ZNF536: variants seen among roughly 807,000 people sequenced by gnomAD.
ZNF536 encodes zinc finger protein 536.
ZNF536 carries 13 observed loss-of-function variants against 84.5 expected under a neutral mutation model. The ratio of observed to expected loss-of-function variants is 0.15; its 90% CI spans 0.10 to 0.24. ZNF536 has a LOEUF of 0.24. Ranked by LOEUF, ZNF536 falls within the 10% of genes least tolerant of loss-of-function variation. The pLI, the probability that ZNF536 is intolerant of heterozygous loss-of-function variation, is 1.00. For synonymous variants in ZNF536, 811 were observed against 742.5 expected, an observed-to-expected ratio of 1.09 and a Z score of -1.50; for missense variants, 1,536 against 1,747.5, an observed-to-expected ratio of 0.88 and a Z score of 2.16.
intron 2 of ZNF536, among the ~76,000 whole-genome samples, chr19:30,294,549 ATGTGTGTGTG>A (rs55972417): frequency 0.22 from 31,699 of 145,602 alleles, 3,876 homozygotes; most frequent in East Asian, 0.53. Flanking sequence ...AGGCCCCAAT[ATGTGTGTGTG>A]TGTGTGTGTG....
intron 1 of ZNF536, among the ~76,000 whole-genome samples, chr19:30,402,799 AT>A (rs2050104736): frequency 1.7e-5 from 1 of 57,532 alleles, no homozygotes; most frequent in East Asian, 6.3e-4. Flanking sequence ...ATTAAAAAAT[AT>A]ATATATATAT....
At chr19:30,455,591 C>T (rs1171182084) in intron 2 of ZNF536, among the ~76,000 whole-genome samples, 1 of 152,118 alleles carries the variant, frequency 6.6e-6, no homozygotes, top group Non-Finnish European at 1.5e-5. Context: ...GTCCCAGCTA[C>T]TTGGGAGGGT....
At position 30,606,169 on chromosome 19, in the gene ZNF536, A is replaced by T. The variant is rs1403600070; in HGVS notation, c.169+56655A>T. Among the ~76,000 whole-genome samples, 3 of 118,138 alleles carry T rather than the reference A, an allele frequency of 2.5e-5. No individual in the cohort carries two copies. The East Asian group carries it at 8.3e-4, about 33-fold the overall frequency. 77.5% of individuals were successfully genotyped at this position (118,138 alleles called of 152,430 possible). The stretch of plus-strand genomic sequence containing the variant: ...ACCTCATCTCTAAAAATAAAATAAA[A>T]TAAATAAAATAAAATAAAATAAAAT... On this transcript the variant is annotated intron_variant, in intron 1 of 1. Coordinates refer to the ZNF536 transcript ENST00000592773.
At chr19:30,337,899 G>GTGA (rs1222568151) in intron 2 of ZNF536, among the ~76,000 whole-genome samples, 3 of 152,144 alleles carry the variant, frequency 2.0e-5, no homozygotes, top group Admixed American at 6.5e-5. Flanking sequence ...GATGATGGTG[G>GTGA]TGATGATGAT....
intron 1 of ZNF536, among the ~76,000 whole-genome samples, chr19:30,652,205 C>T (rs2049734327): frequency 6.6e-6 from 1 of 152,120 alleles, no homozygotes; most frequent in Non-Finnish European, 1.5e-5. Flanking sequence ...ATTATGTGAC[C>T]AGACATAACT....
At chr19:30,491,653 G>C (rs2054513822) in intron 2 of ZNF536, among the ~76,000 whole-genome samples, 1 of 152,116 alleles carries the variant, frequency 6.6e-6, no homozygotes, top group Admixed American at 6.5e-5. Flanking sequence ...GAATAGCATG[G>C]AGACCTGTGC....
chr19:30,265,914 AG>A (rs1222681978), intron 1 of ZNF536, among the ~76,000 whole-genome samples: 1 of 151,762 alleles, frequency 6.6e-6, no homozygotes, highest in Non-Finnish European at 1.5e-5. Flanking sequence ...TTTGAGAGAC[AG>A]GGCCTTGATC....
intron 1 of ZNF536, among the ~76,000 whole-genome samples, chr19:30,563,106 G>T (rs746027254): frequency 9.3e-4 from 142 of 152,098 alleles, no homozygotes; most frequent in Admixed American, 2.3e-3. Context: ...AGCCATGTAG[G>T]CTCCAGGCAG....
chr19:30,581,056 T>C (rs2046903349), intron 1 of ZNF536, among the ~76,000 whole-genome samples: 1 of 152,252 alleles, frequency 6.6e-6, no homozygotes, highest in African/African-American at 2.4e-5. Context: ...CAAAATCTGA[T>C]ATTCCATCTG....
At chr19:30,695,430 A>G (rs1406616110) in intron 1 of ZNF536, among the ~76,000 whole-genome samples, 1 of 152,228 alleles carries the variant, frequency 6.6e-6, no homozygotes, top group Non-Finnish European at 1.5e-5. Context: ...CTGACAGAAC[A>G]TAATTAAGTG....
At chr19:30,563,502 T>C (rs1330810258) in intron 1 of ZNF536, among the ~76,000 whole-genome samples, 1 of 152,236 alleles carries the variant, frequency 6.6e-6, no homozygotes, top group Non-Finnish European at 1.5e-5. Flanking sequence ...ATTAAGACTT[T>C]GGGCTCTACA....
At chr19:30,466,612 A>G (rs1294137395) in intron 2 of ZNF536, among the ~76,000 whole-genome samples, 1 of 131,736 alleles carries the variant, frequency 7.6e-6, no homozygotes, top group Non-Finnish European at 1.6e-5. Flanking sequence ...GAAAGAAAAG[A>G]GAACTTACCA....
At chr19:30,615,078 C>G (rs1236085073) in intron 1 of ZNF536, among the ~76,000 whole-genome samples, 1 of 143,710 alleles carries the variant, frequency 7.0e-6, no homozygotes, top group Non-Finnish European at 1.5e-5. Flanking sequence ...TCCCGTGTAG[C>G]TGGGACTACA....
At chr19:30,317,842 G>A (rs1303440945) in intron 2 of ZNF536, among the ~76,000 whole-genome samples, 3 of 152,204 alleles carry the variant, frequency 2.0e-5, no homozygotes, top group East Asian at 3.8e-4. Flanking sequence ...CACTTAGGCA[G>A]CAATTTCTTT....
At chr19:30,339,140 G>A (rs1005476872) in intron 2 of ZNF536, among the ~76,000 whole-genome samples, 18 of 152,194 alleles carry the variant, frequency 1.2e-4, no homozygotes, top group African/African-American at 4.3e-4. Context: ...GCTGTTCCTA[G>A]GCAGATGCCT....
chr19:30,688,968 C>T (rs955224892), intron 1 of ZNF536, among the ~76,000 whole-genome samples: 2 of 152,230 alleles, frequency 1.3e-5, no homozygotes, highest in Non-Finnish European at 2.9e-5. Context: ...ATAACAGCAG[C>T]CAATATTTAT....
In ZNF536 at chr19:30,595,181, T is replaced by C. The variant is rs79845744; in HGVS notation, c.169+45667T>C. Among the ~76,000 whole-genome samples, 1,407 of 152,308 alleles carry C rather than the reference T, an allele frequency of 9.2e-3. 55 individuals are homozygous for C. The highest frequency in any genetic ancestry group is 0.067 in the Admixed American group (1,022 of 15,306). Reference sequence around the variant, plus strand: ...GCCTGGCCCTCTGCTTTCACTGTGATTGGAGACCTTCGTTTCCCCATGTGG... The same window carrying C: ...GCCTGGCCCTCTGCTTTCACTGTGACTGGAGACCTTCGTTTCCCCATGTGG... On this transcript the variant is annotated intron_variant, in intron 1 of 1. Transcript: ENST00000592773.
intron 2 of ZNF536, among the ~76,000 whole-genome samples, chr19:30,458,985 G>T (rs915931384): frequency 6.6e-6 from 1 of 152,208 alleles, no homozygotes; most frequent in African/African-American, 2.4e-5. Context: ...GAGGACTCTG[G>T]TGCTGGCCCT....
chr19:30,311,670 C>T (rs1401197626), intron 2 of ZNF536, among the ~76,000 whole-genome samples: 1 of 152,096 alleles, frequency 6.6e-6, no homozygotes, highest in African/African-American at 2.4e-5. Context: ...CAGCCTGATA[C>T]CTGCCCAACT....
Sources: allele counts gnomAD v4.1 joint callset (sites outside exome capture counted in the v4.1 genomes callset), GRCh38; gene constraint gnomAD v4.1.1; transcripts MANE v1.5; gene names NCBI Gene and HGNC (gene_info 2026-07-23, HGNC 2026-07-21).